The following BMAL1 variants were observed in gnomAD, a reference collection of about 807,000 sequenced individuals.
BMAL1 encodes basic helix-loop-helix ARNT like 1.
At chr11:13,306,786 A>G in the BMAL1 span, among the ~76,000 whole-genome samples, 1 of 152,222 alleles carries the variant, frequency 6.6e-6, no homozygotes, top group African/African-American at 2.4e-5. Context: ...AGGATGCTGT[A>G]GGAGTGCACA....
At chr11:13,375,554 C>CT in the BMAL1 span, 1 of 1,387,396 alleles carries the variant, frequency 7.2e-7, no homozygotes, top group Non-Finnish European at 9.7e-7. Context: ...ATTGGATGTC[C>CT]TGTTTAATAC....
the BMAL1 span, among the ~76,000 whole-genome samples, chr11:13,328,679 T>TTCA: frequency 2.0e-5 from 3 of 152,248 alleles, no homozygotes; most frequent in African/African-American, 7.2e-5. Flanking sequence ...CAGAACTGAA[T>TTCA]TCATCACAGA....
At chr11:13,349,132 C>T in the BMAL1 span, among the ~76,000 whole-genome samples, 4 of 152,270 alleles carry the variant, frequency 2.6e-5, no homozygotes, top group South Asian at 2.1e-4. Flanking sequence ...CAGTACCGCC[C>T]GGTGGCTACC....
the BMAL1 span, among the ~76,000 whole-genome samples, chr11:13,370,603 C>G: frequency 2.0e-5 from 3 of 152,154 alleles, no homozygotes; most frequent in African/African-American, 7.2e-5. Context: ...ACAATGAGTC[C>G]CATCTGCAAA....
chr11:13,334,351 G>C, the BMAL1 span, among the ~76,000 whole-genome samples: 8 of 152,308 alleles, frequency 5.3e-5, no homozygotes, highest in East Asian at 1.5e-3. Context: ...TTAGACAGGA[G>C]CCTTAGTTGA....
At chr11:13,342,990 A>C in the BMAL1 span, among the ~76,000 whole-genome samples, 1 of 152,204 alleles carries the variant, frequency 6.6e-6, no homozygotes, top group Non-Finnish European at 1.5e-5. Context: ...ACACTTACAG[A>C]GGGCTTGTTA....
chr11:13,371,288 CT>C, the BMAL1 span, among the ~76,000 whole-genome samples: 1 of 152,184 alleles, frequency 6.6e-6, no homozygotes. Context: ...TGTTTTCTTT[CT>C]TCTCTGAGTC....
chr11:13,323,685 T>G, the BMAL1 span, among the ~76,000 whole-genome samples: 1 of 152,182 alleles, frequency 6.6e-6, no homozygotes, highest in African/African-American at 2.4e-5. Flanking sequence ...GGTATCATCT[T>G]GGCTCACTGC....
At chr11:13,372,218 A>G in the BMAL1 span, 2 of 1,614,152 alleles carry the variant, frequency 1.2e-6, no homozygotes, top group Non-Finnish European at 1.7e-6. Context: ...AAAGCTGGCC[A>G]CCCACAAAGA....
chr11:13,297,645 T>G, the BMAL1 span, among the ~76,000 whole-genome samples: 1 of 152,172 alleles, frequency 6.6e-6, no homozygotes, highest in African/African-American at 2.4e-5. Flanking sequence ...CATCCCAAAC[T>G]GTGAGCCTGC....
At chr11:13,361,738 C>T in the BMAL1 span, among the ~76,000 whole-genome samples, 1 of 152,128 alleles carries the variant, frequency 6.6e-6, no homozygotes, top group African/African-American at 2.4e-5. Context: ...TGCAGTGGTT[C>T]AATGAGGTCA....
chr11:13,352,012 G>A, the BMAL1 span, among the ~76,000 whole-genome samples: 2 of 152,214 alleles, frequency 1.3e-5, no homozygotes, highest in African/African-American at 4.8e-5. Context: ...ATTCAGTAGC[G>A]TGGGGAGAGT....
the BMAL1 span, among the ~76,000 whole-genome samples, chr11:13,343,463 C>T: frequency 5.1e-3 from 783 of 152,304 alleles, 14 homozygotes; most frequent in African/African-American, 0.018. Context: ...GCTCTGCTGC[C>T]TCATCCTGGG....
At chr11:13,277,954 G>A in the BMAL1 span, 4 of 151,236 alleles carry the variant, frequency 2.6e-5, no homozygotes, top group Admixed American at 2.0e-4. Context: ...GGCCAGCGAC[G>A]CGATCCCGCG....
At chr11:13,385,347 C>G in the BMAL1 span, among the ~76,000 whole-genome samples, 3 of 152,136 alleles carry the variant, frequency 2.0e-5, no homozygotes, top group Non-Finnish European at 4.4e-5. Flanking sequence ...ATGTTTTATT[C>G]CCTTATAGGG....
At chr11:13,341,027 C>T in the BMAL1 span, among the ~76,000 whole-genome samples, 3 of 152,196 alleles carry the variant, frequency 2.0e-5, no homozygotes, top group Admixed American at 6.5e-5. Context: ...CAAGAGGCCC[C>T]GCCCTGACCA....
chr11:13,333,323 C>T, the BMAL1 span, among the ~76,000 whole-genome samples: 1 of 152,148 alleles, frequency 6.6e-6, no homozygotes, highest in Non-Finnish European at 1.5e-5. Flanking sequence ...TTGTCACAGC[C>T]CTGTCATTTT....
At chr11:13,287,463 C>A in the BMAL1 span, among the ~76,000 whole-genome samples, 8 of 152,230 alleles carry the variant, frequency 5.3e-5, no homozygotes, top group East Asian at 9.6e-4. Flanking sequence ...GTGGCAATGT[C>A]ATCTCTTGTT....
the BMAL1 span, among the ~76,000 whole-genome samples, chr11:13,348,141 C>T: frequency 2.6e-5 from 4 of 152,140 alleles, no homozygotes; most frequent in Admixed American, 1.3e-4. Flanking sequence ...GGTGTGCCCA[C>T]GGGCACAGGA....
Sources: allele counts gnomAD v4.1 joint callset (sites outside exome capture counted in the v4.1 genomes callset), GRCh38; gene constraint gnomAD v4.1.1; transcripts MANE v1.5; gene names NCBI Gene and HGNC (gene_info 2026-07-23, HGNC 2026-07-21).